PAPPA: variants seen among roughly 807,000 people sequenced by gnomAD.
PAPPA encodes the protein pappalysin-1.
A neutral mutation model predicts 164.0 loss-of-function variants in PAPPA; 60 were observed. That is an observed-to-expected ratio of 0.37 (90% CI 0.30 to 0.45). PAPPA has a LOEUF of 0.45. Among genes scored for constraint, PAPPA ranks in the 20% least tolerant of loss-of-function variants. PAPPA has a pLI of 1.00. For synonymous variants in PAPPA, 875 were observed against 814.1 expected, an observed-to-expected ratio of 1.07 and a Z score of -1.27; for missense variants, 1,782 against 2,087.3, an observed-to-expected ratio of 0.85 and a Z score of 2.85.
chr9:116,301,720 G>C (rs1845580994), intron 9 of PAPPA, among the ~76,000 whole-genome samples: 2 of 152,180 alleles, frequency 1.3e-5, no homozygotes, highest in African/African-American at 4.8e-5. Flanking sequence ...TAGATGACAT[G>C]GGAGCTTGAG....
At chr9:116,289,138 A>C (rs1845384998) in intron 9 of PAPPA, among the ~76,000 whole-genome samples, 1 of 40,332 alleles carries the variant, frequency 2.5e-5, no homozygotes, top group Non-Finnish European at 4.8e-5. Context: ...ATATATATAT[A>C]TATATATATA....
chr9:116,378,472 G>A (rs1218759573), intron 20 of PAPPA, among the ~76,000 whole-genome samples: 1 of 152,212 alleles, frequency 6.6e-6, no homozygotes. Context: ...AGAGCCCACT[G>A]AGGCAAACGC....
chr9:116,394,785 C>T (rs1273008915), intron 21 of PAPPA, among the ~76,000 whole-genome samples: 1 of 152,154 alleles, frequency 6.6e-6, no homozygotes, highest in Non-Finnish European at 1.5e-5. Context: ...ATGCTTACCA[C>T]AGCATCAAGC....
intron 2 of PAPPA, among the ~76,000 whole-genome samples, chr9:116,196,836 G>GC (rs1007899487): frequency 1.1e-4 from 16 of 152,290 alleles, no homozygotes; most frequent in African/African-American, 3.4e-4. Flanking sequence ...TCCACATCGA[G>GC]CTTCTGATGT....
chr9:116,359,729 A>C (rs141900914), intron 17 of PAPPA, among the ~76,000 whole-genome samples: 1,704 of 152,304 alleles, frequency 0.011, 33 homozygotes, highest in African/African-American at 0.039. Context: ...AAAGATGTGG[A>C]GGTGGGAAAG....
chr9:116,353,085 G>A (rs1846305481), intron 16 of PAPPA, among the ~76,000 whole-genome samples, 169 bp downstream of exon 16: 1 of 152,148 alleles, frequency 6.6e-6, no homozygotes, highest in Non-Finnish European at 1.5e-5. Flanking sequence ...TTAGCTTTGG[G>A]TCAAACAGAA....
At chr9:116,369,031 A>G (rs567700986) in intron 19 of PAPPA, among the ~76,000 whole-genome samples, 3 of 150,950 alleles carry the variant, frequency 2.0e-5, no homozygotes, top group East Asian at 3.9e-4. Flanking sequence ...TACTCTCACT[A>G]ATTTTTTTCC....
At chr9:116,247,474 G>A (rs777729178) in intron 7 of PAPPA, among the ~76,000 whole-genome samples, 36 of 152,196 alleles carry the variant, frequency 2.4e-4, no homozygotes, top group South Asian at 2.1e-4. Flanking sequence ...TGATGAGTTA[G>A]TGAAATCAGG....
chr9:116,314,432 T>G (rs1845762169), intron 10 of PAPPA, among the ~76,000 whole-genome samples: 1 of 152,150 alleles, frequency 6.6e-6, no homozygotes, highest in African/African-American at 2.4e-5. Context: ...ACTAATCTTT[T>G]TGTAACTCAA....
intron 3 of PAPPA, among the ~76,000 whole-genome samples, chr9:116,209,292 G>T (rs1380181735): frequency 6.6e-6 from 1 of 152,138 alleles, no homozygotes; most frequent in African/African-American, 2.4e-5. Flanking sequence ...TTACTTAGCA[G>T]TATGGCCTTA....
chr9:116,274,760 A>G (rs1467731750), intron 9 of PAPPA, among the ~76,000 whole-genome samples: 3 of 152,204 alleles, frequency 2.0e-5, no homozygotes, highest in African/African-American at 7.2e-5. Context: ...CTTAGTATAG[A>G]AGTTGATTAT....
chr9:116,318,925 G>T (rs1451975253), intron 10 of PAPPA, among the ~76,000 whole-genome samples: 3 of 152,184 alleles, frequency 2.0e-5, no homozygotes, highest in Non-Finnish European at 4.4e-5. Flanking sequence ...GGACAGTCAT[G>T]CCAGCTGCCC....
chr9:116,248,827 G>A (rs1022472538), intron 7 of PAPPA, among the ~76,000 whole-genome samples: 2 of 152,182 alleles, frequency 1.3e-5, no homozygotes, highest in Admixed American at 1.3e-4. Flanking sequence ...AAACCCTGTG[G>A]TACATCAATA....
intron 2 of PAPPA, among the ~76,000 whole-genome samples, chr9:116,189,567 C>A (rs1844017646): frequency 6.6e-6 from 1 of 152,186 alleles, no homozygotes; most frequent in Admixed American, 6.5e-5. Context: ...CCATTGCTGT[C>A]AGTTGCAACC....
At chr9:116,314,612 T>C (rs1032031910) in intron 10 of PAPPA, among the ~76,000 whole-genome samples, 6 of 152,216 alleles carry the variant, frequency 3.9e-5, no homozygotes, top group African/African-American at 1.4e-4. Context: ...GACAAGGCCA[T>C]GCACAATCTC....
chr9:116,297,306 T>C (rs1845521533), intron 9 of PAPPA, among the ~76,000 whole-genome samples: 1 of 152,222 alleles, frequency 6.6e-6, no homozygotes, highest in African/African-American at 2.4e-5. Flanking sequence ...GAAGAACACA[T>C]TGACTTCAGT....
intron 19 of PAPPA, among the ~76,000 whole-genome samples, chr9:116,370,005 G>A (rs974085674): frequency 2.0e-5 from 3 of 152,266 alleles, no homozygotes; most frequent in Admixed American, 6.5e-5. Flanking sequence ...CCCCTTGTGC[G>A]GTGAGAGCTA....
chr9:116,287,982 G>A (rs762233948), intron 9 of PAPPA, among the ~76,000 whole-genome samples: 2 of 152,164 alleles, frequency 1.3e-5, no homozygotes, highest in South Asian at 2.1e-4. Context: ...GGAACTTTTC[G>A]TGAACATGAA....
rs1177974895 is a variant in PAPPA at position 116,401,377 on chromosome 9, A to G, written c.*4761A>G. On this transcript the variant is annotated 3_prime_UTR_variant, in exon 22 of 22. Transcript: ENST00000328252. ...AAATTCCACATCAAGTGTTCCATTA[A>G]AAGAAGATAAGGCATTCTGAGTGCA... 6.6e-6 allele frequency: 1 copy of G among 152,546 alleles called. No homozygotes were observed. Among genetic ancestry groups the G allele is most frequent in the Non-Finnish European group, 1.5e-5 (1 of 68,012 alleles). The allele number at this position is 152,546 out of a possible 1,614,324, so 9.4% of individuals were successfully genotyped here. A position where few individuals can be genotyped will look rare whatever the true frequency, so the allele number is the denominator to read the frequency against.
Sources: allele counts gnomAD v4.1 joint callset (sites outside exome capture counted in the v4.1 genomes callset), GRCh38; gene constraint gnomAD v4.1.1; transcripts MANE v1.5; gene names NCBI Gene and HGNC (gene_info 2026-07-23, HGNC 2026-07-21).